Variants in SPAG16 observed in about 807,000 individuals in gnomAD.
SPAG16 encodes sperm-associated antigen 16 protein.
SPAG16 carries 86 observed loss-of-function variants against 80.4 expected under a neutral mutation model. The ratio of observed to expected loss-of-function variants is 1.07; its 90% CI spans 0.90 to 1.28. The LOEUF is 1.28. SPAG16 is among the 50% of genes most tolerant of loss of function. The pLI is 0.00. For missense variants in SPAG16, 870 were observed against 765.3 expected (o/e 1.14, Z -1.61); for synonymous variants, 294 against 265.9 (o/e 1.11, Z -1.03).
At chr2:214,315,435 G>A (rs1482132723) in intron 15 of SPAG16, among the ~76,000 whole-genome samples, 1 of 151,774 alleles carries the variant, frequency 6.6e-6, no homozygotes, top group Non-Finnish European at 1.5e-5. Context: ...TGAATATGAG[G>A]TTATCTAAGG....
At chr2:213,615,926 A>G (rs2061578498) in intron 10 of SPAG16, among the ~76,000 whole-genome samples, 1 of 152,184 alleles carries the variant, frequency 6.6e-6, no homozygotes, top group African/African-American at 2.4e-5. Flanking sequence ...TAGCATTAGG[A>G]CAAATACCTA....
chr2:213,558,405 A>C (rs939141331), intron 10 of SPAG16, among the ~76,000 whole-genome samples: 1 of 152,074 alleles, frequency 6.6e-6, no homozygotes, highest in Non-Finnish European at 1.5e-5. Flanking sequence ...AAATGCTTAT[A>C]ATAAAATATG....
chr2:213,543,615 C>T (rs899129850), intron 10 of SPAG16, among the ~76,000 whole-genome samples: 3 of 151,926 alleles, frequency 2.0e-5, no homozygotes, highest in Non-Finnish European at 2.9e-5. Flanking sequence ...CAATCCTGTT[C>T]ATATTGGTAA....
At chr2:213,375,487 G>T (rs1321081437) in intron 9 of SPAG16, among the ~76,000 whole-genome samples, 1 of 151,930 alleles carries the variant, frequency 6.6e-6, no homozygotes, top group Non-Finnish European at 1.5e-5. Flanking sequence ...ACTTTACTTA[G>T]TCTCTTTAAA....
chr2:213,965,409 C>T (rs1371687855), intron 12 of SPAG16, among the ~76,000 whole-genome samples: 1 of 152,194 alleles, frequency 6.6e-6, no homozygotes, highest in Non-Finnish European at 1.5e-5. Context: ...TGCTATCACA[C>T]TCAGCTATTA....
intron 10 of SPAG16, among the ~76,000 whole-genome samples, chr2:213,608,754 C>T (rs1409941307): frequency 2.6e-5 from 4 of 152,246 alleles, no homozygotes; most frequent in South Asian, 2.1e-4. Flanking sequence ...GTCGGGATCT[C>T]GGCTCACTGC....
At chr2:213,860,442 G>C (rs371217628) in intron 10 of SPAG16, among the ~76,000 whole-genome samples, 2 of 108,194 alleles carry the variant, frequency 1.8e-5, no homozygotes, top group Admixed American at 1.0e-4. Context: ...TATATTTATA[G>C]ATATATGTAT....
At chr2:213,690,881 T>C (rs1376358258) in intron 10 of SPAG16, among the ~76,000 whole-genome samples, 1 of 152,146 alleles carries the variant, frequency 6.6e-6, no homozygotes, top group East Asian at 1.9e-4. Flanking sequence ...TCCCTGATAT[T>C]GAGGCATTCA....
intron 13 of SPAG16, among the ~76,000 whole-genome samples, chr2:214,076,125 A>G (rs1334784595): frequency 6.6e-6 from 1 of 152,192 alleles, no homozygotes; most frequent in Non-Finnish European, 1.5e-5. Flanking sequence ...TTAAGTTTTA[A>G]ATGAATAGTA....
In SPAG16 at chr2:214,214,216, G is replaced by A. The variant is rs555470650; in HGVS notation, c.1720+64950G>A. On this transcript the variant is annotated intron_variant, in intron 15 of 15. Coordinates refer to ENST00000331683, the MANE Select transcript of SPAG16 (RefSeq NM_024532.5). The stretch of plus-strand genomic sequence containing the variant: ...TTTTTTTTGAGACAGAGTCACCCAC[G>A]CTGGAATGCAGTGGCACAATCTGGC... Among the ~76,000 whole-genome samples the A allele has an allele frequency of 7.5e-5, 10 of 133,940 alleles. No homozygotes were observed. In the South Asian group the frequency reaches 9.2e-4, roughly 12 times the overall value. 87.9% of individuals were successfully genotyped at this position (133,940 alleles called of 152,430 possible).
At chr2:213,495,518 T>G (rs2125752400) in intron 10 of SPAG16, among the ~76,000 whole-genome samples, 1 of 152,342 alleles carries the variant, frequency 6.6e-6, no homozygotes, top group Admixed American at 6.5e-5. Flanking sequence ...TGAACACGTG[T>G]CAGGCACTAC....
At chr2:213,982,552 A>G (rs1057387808) in intron 12 of SPAG16, among the ~76,000 whole-genome samples, 1 of 151,960 alleles carries the variant, frequency 6.6e-6, no homozygotes, top group Admixed American at 6.6e-5. Context: ...GAAATAAAAT[A>G]TATCTTCTAC....
intron 15 of SPAG16, among the ~76,000 whole-genome samples, chr2:214,332,604 C>A (rs558151832): frequency 1.3e-5 from 2 of 152,260 alleles, no homozygotes; most frequent in Non-Finnish European, 2.9e-5. Context: ...ACCTCAGAAG[C>A]ATTAGGGAAA....
At chr2:213,459,493 A>C (rs1503379) in intron 9 of SPAG16, among the ~76,000 whole-genome samples, 14,842 of 152,196 alleles carry the variant, frequency 0.098, 1,892 homozygotes, top group African/African-American at 0.29. Flanking sequence ...TCACTTTAGT[A>C]CCTGTAGGTC....
intron 10 of SPAG16, among the ~76,000 whole-genome samples, chr2:213,856,898 A>G (rs1027798039): frequency 6.6e-6 from 1 of 152,206 alleles, no homozygotes; most frequent in East Asian, 1.9e-4. Flanking sequence ...AGTTATCCAG[A>G]AGACATAGCT....
intron 5 of SPAG16, among the ~76,000 whole-genome samples, chr2:213,327,004 T>C (rs2063869865): frequency 6.6e-6 from 1 of 152,028 alleles, no homozygotes; most frequent in Admixed American, 6.6e-5. Context: ...GACTTTGATA[T>C]GCTGGTTTCC....
At chr2:213,504,024 T>A (rs2074859985) in intron 10 of SPAG16, among the ~76,000 whole-genome samples, 2 of 152,138 alleles carry the variant, frequency 1.3e-5, no homozygotes, top group Non-Finnish European at 2.9e-5. Flanking sequence ...GGGTGCAGGG[T>A]CTGCGTGTCT....
chr2:213,545,045 T>G (rs761936242), intron 10 of SPAG16, among the ~76,000 whole-genome samples: 1 of 152,094 alleles, frequency 6.6e-6, no homozygotes, highest in Non-Finnish European at 1.5e-5. Flanking sequence ...GATTGTATGG[T>G]AAGAAATTAC....
At chr2:213,329,811 G>A (rs369555317) in intron 5 of SPAG16, among the ~76,000 whole-genome samples, 12 of 152,300 alleles carry the variant, frequency 7.9e-5, no homozygotes, top group East Asian at 3.9e-4. Context: ...CAGAGGCTTA[G>A]GAGGAAAAAA....
Sources: gnomAD v4.1 joint callset for allele counts (sites outside exome capture counted in the v4.1 genomes callset) on GRCh38, gnomAD v4.1.1 for gene constraint, MANE v1.5 for transcripts, NCBI Gene and HGNC (gene_info 2026-07-23, HGNC 2026-07-21) for gene names.